Variants in CCDC102B observed in about 807,000 individuals in gnomAD.
CCDC102B encodes coiled-coil domain containing 102B, also known as coiled-coil domain-containing protein 102B.
A neutral mutation model predicts 57.4 loss-of-function variants in CCDC102B; 75 were observed. The ratio of observed to expected loss-of-function variants is 1.31; its 90% confidence interval spans 1.08 to 1.58. The LOEUF is 1.58. CCDC102B is among the 40% of genes most tolerant of loss of function. The pLI, the probability that CCDC102B is intolerant of heterozygous loss-of-function variation, is 0.00. For synonymous variants in CCDC102B, 206 were observed against 201.9 expected (o/e 1.02, Z -0.17); for missense variants, 636 against 582.6 (o/e 1.09, Z -0.94).
rs945952633 is a variant in CCDC102B at position 68,837,153 on chromosome 18, G to A, written c.390G>A (p.Ala130=). 8.7e-6 allele frequency: 14 copies of A among 1,613,976 alleles called. No homozygotes were observed. Among genetic ancestry groups the A allele is most frequent in the South Asian group, 3.3e-5 (3 of 91,082 alleles). ...GRQLRIKLEM[A]MKELSTLKKK... The stretch of plus-strand genomic sequence containing the variant: ...AACTCAGAATAAAACTAGAGATGGC[G>A]ATGAAAGAATTGAGTACACTGAAAA... Residue 130 remains alanine, a synonymous_variant, in exon 2 of 8, where the codon GCG becomes GCA. Coordinates refer to ENST00000360242, the MANE Select transcript of CCDC102B (RefSeq NM_024781.3).
intron 1 of CCDC102B, among the ~76,000 whole-genome samples, chr18:68,830,330 T>G (rs2037093038): frequency 6.6e-6 from 1 of 151,982 alleles, no homozygotes; most frequent in African/African-American, 2.4e-5. Flanking sequence ...AGTGCTAAGC[T>G]GCTAAGCACA....
intron 6 of CCDC102B, among the ~76,000 whole-genome samples, chr18:68,982,369 C>T (rs1298322811): frequency 6.6e-6 from 1 of 152,006 alleles, no homozygotes; most frequent in African/African-American, 2.4e-5. Flanking sequence ...CCCCACTCTA[C>T]CCTTAACTAT....
intron 6 of CCDC102B, among the ~76,000 whole-genome samples, chr18:68,919,686 G>C (rs2041205816): frequency 6.6e-6 from 1 of 152,092 alleles, no homozygotes; most frequent in East Asian, 1.9e-4. Flanking sequence ...TATAAGTTCT[G>C]AGTTAGCTGT....
At chr18:68,807,926 A>T in intron 1 of CCDC102B, among the ~76,000 whole-genome samples, 1 of 152,206 alleles carries the variant, frequency 6.6e-6, no homozygotes, top group African/African-American at 2.4e-5. Flanking sequence ...TTACTAATTT[A>T]TTTTGGCTAA....
chr18:68,846,678 C>A (rs1038127424), intron 4 of CCDC102B, among the ~76,000 whole-genome samples: 3 of 151,524 alleles, frequency 2.0e-5, no homozygotes, highest in African/African-American at 7.3e-5. Flanking sequence ...AAATCTTATT[C>A]TATATATTTA....
intron 4 of CCDC102B, among the ~76,000 whole-genome samples, chr18:68,867,505 G>A (rs2039046025): frequency 1.3e-5 from 2 of 152,178 alleles, no homozygotes; most frequent in Admixed American, 1.3e-4. Flanking sequence ...TGGTGCCACT[G>A]CCTGTGGGTT....
chr18:68,791,921 G>A (rs997197063), intron 2 of CCDC102B, among the ~76,000 whole-genome samples: 2 of 149,388 alleles, frequency 1.3e-5, no homozygotes, highest in Admixed American at 6.6e-5. Context: ...TGCCTCTCAG[G>A]GGATATTTGG....
chr18:68,860,262 T>C (rs1213365427), intron 4 of CCDC102B, among the ~76,000 whole-genome samples: 1 of 59,784 alleles, frequency 1.7e-5, no homozygotes, highest in Non-Finnish European at 3.6e-5. Flanking sequence ...TGAGATCACA[T>C]GGACACAGGA....
intron 6 of CCDC102B, among the ~76,000 whole-genome samples, chr18:68,952,756 A>G (rs1172186670): frequency 6.6e-6 from 1 of 152,194 alleles, no homozygotes; most frequent in Non-Finnish European, 1.5e-5. Flanking sequence ...ATAATGCCAA[A>G]TGCCATCAAG....
chr18:68,770,378 T>C (rs1324594951), intron 2 of CCDC102B, among the ~76,000 whole-genome samples: 8 of 152,250 alleles, frequency 5.3e-5, no homozygotes, highest in African/African-American at 1.9e-4. Context: ...ATTTCTTATG[T>C]ATCCATGTGT....
rs751771528 is a variant in CCDC102B at position 68,897,370 on chromosome 18, C to T, written c.1205C>T (p.Ala402Val). 1 of 1,612,776 alleles carries T rather than the reference C, an allele frequency of 6.2e-7. No individual in the cohort carries two copies. The highest frequency in any genetic ancestry group is 8.5e-7 in the Non-Finnish European group (1 of 1,179,188). Residue 402 changes from alanine to valine, a missense_variant, in exon 6 of 8, where the codon GCA becomes GTA. Ala to Val is a moderately conservative substitution (Grantham distance 64, BLOSUM62 0). Coordinates refer to ENST00000360242, the MANE Select transcript of CCDC102B (RefSeq NM_024781.3). ...ELLDKKNRLS[A>V]NSQSPDFKMS... ...TTGGATAAGAAAAATAGATTAAGTG[C>T]AAACTCTCAAAGTCCTGATTTCAAG...
In CCDC102B at chr18:68,913,332, G is replaced by GTGTGTGTA. The variant is rs1555725408; in HGVS notation, c.1263+15911_1263+15912insATGTGTGT. The stretch of plus-strand genomic sequence containing the variant: ...TGTCTGTGTGTGTGTGTGTGTGTGT[G>GTGTGTGTA]TGTGTGTGTGTGGTCCTACTTTAAG... On this transcript the variant is annotated intron_variant, in intron 6 of 7. Transcript: ENST00000360242. Among the ~76,000 whole-genome samples, 914 of 151,740 alleles carry GTGTGTGTA rather than the reference G, an allele frequency of 6.0e-3. 6 individuals carry two copies. The highest frequency in any genetic ancestry group is 0.021 in the African/African-American group (849 of 41,348).
chr18:68,787,252 G>T (rs1490413395), intron 2 of CCDC102B, among the ~76,000 whole-genome samples: 2 of 150,792 alleles, frequency 1.3e-5, no homozygotes, highest in Admixed American at 1.3e-4. Context: ...GAGGATTTTT[G>T]CATCAATGTT....
intron 6 of CCDC102B, among the ~76,000 whole-genome samples, chr18:69,005,707 A>G (rs2145373056): frequency 6.6e-6 from 1 of 151,764 alleles, no homozygotes; most frequent in African/African-American, 2.4e-5. Flanking sequence ...TAATGCCATA[A>G]CCACATATAT....
chr18:68,751,857 T>G (rs966707170), intron 2 of CCDC102B, among the ~76,000 whole-genome samples: 11 of 151,926 alleles, frequency 7.2e-5, no homozygotes, highest in African/African-American at 2.7e-4. Flanking sequence ...ATTGACAGAT[T>G]AAAGAAACTC....
intron 2 of CCDC102B, among the ~76,000 whole-genome samples, chr18:68,735,593 T>C (rs1483699406): frequency 1.3e-5 from 2 of 152,146 alleles, no homozygotes. Context: ...CCAGGCATAG[T>C]TTTTCTTTGC....
chr18:68,953,206 G>A (rs530001436), intron 6 of CCDC102B, among the ~76,000 whole-genome samples: 28 of 151,964 alleles, frequency 1.8e-4, no homozygotes, highest in African/African-American at 5.3e-4. Context: ...TATACATTTG[G>A]GACATATTTC....
At chr18:68,918,091 A>T (rs1431000064) in intron 6 of CCDC102B, among the ~76,000 whole-genome samples, 1 of 152,158 alleles carries the variant, frequency 6.6e-6, no homozygotes, top group Non-Finnish European at 1.5e-5. Flanking sequence ...AATATTTGTT[A>T]ATCCAAGAGG....
At chr18:68,933,739 G>A (rs1269203520) in intron 6 of CCDC102B, among the ~76,000 whole-genome samples, 1 of 151,826 alleles carries the variant, frequency 6.6e-6, no homozygotes, top group Non-Finnish European at 1.5e-5. Context: ...TTTGTGTGTT[G>A]TGAGTTCTAC....
Sources: allele counts gnomAD v4.1 joint callset (sites outside exome capture counted in the v4.1 genomes callset), GRCh38; gene constraint gnomAD v4.1.1; transcripts MANE v1.5; gene names NCBI Gene and HGNC (gene_info 2026-07-23, HGNC 2026-07-21).